Variants in MYO5B observed in about 807,000 individuals in gnomAD.
MYO5B encodes the protein unconventional myosin-Vb.
Under a neutral mutation model 229.3 loss-of-function variants are expected in MYO5B, and 143 were observed. That is an observed-to-expected ratio of 0.62 (90% CI 0.54 to 0.72). MYO5B has a LOEUF of 0.72. Among genes scored for constraint, MYO5B ranks in the 30% least tolerant of loss-of-function variants. The probability of loss-of-function intolerance (pLI) is 0.00; values close to 1 mark genes in which losing one functional copy is unlikely to be tolerated. For missense variants in MYO5B, 2,321 were observed against 2,331.0 expected, an observed-to-expected ratio of 1.00 and a Z score of 0.09; for synonymous variants, 918 against 885.2, an observed-to-expected ratio of 1.04 and a Z score of -0.66.
intron 4 of MYO5B, among the ~76,000 whole-genome samples, chr18:50,014,009 C>G (rs2026189771): frequency 6.6e-6 from 1 of 152,184 alleles, no homozygotes; most frequent in South Asian, 2.1e-4. Context: ...CAGAGCTCTA[C>G]TTCCAAGTCA....
chr18:49,993,693 T>C (rs1345623048), intron 5 of MYO5B, among the ~76,000 whole-genome samples: 2 of 152,132 alleles, frequency 1.3e-5, no homozygotes, highest in African/African-American at 2.4e-5. Context: ...GCCATAGCCT[T>C]AGCCTGCAAC....
intron 26 of MYO5B, among the ~76,000 whole-genome samples, chr18:49,874,065 G>A (rs567121195): frequency 6.6e-6 from 1 of 152,240 alleles, no homozygotes; most frequent in East Asian, 1.9e-4. Flanking sequence ...TCCATTTCAG[G>A]GTGCTGTAGA....
chr18:50,004,115 C>A (rs969162544), intron 4 of MYO5B, among the ~76,000 whole-genome samples: 18 of 152,082 alleles, frequency 1.2e-4, no homozygotes, highest in Non-Finnish European at 1.5e-5. Context: ...AAGTCATGCC[C>A]TTTTCAGGAA....
At chr18:50,015,168 G>A (rs919035772) in intron 4 of MYO5B, among the ~76,000 whole-genome samples, 1 of 152,220 alleles carries the variant, frequency 6.6e-6, no homozygotes, top group Non-Finnish European at 1.5e-5. Context: ...AGACAGAAAT[G>A]TGTGGGCTTT....
intron 2 of MYO5B, 30 bp from the exon 3 acceptor site, chr18:50,040,344 AG>A (rs746109819): frequency 1.2e-6 from 2 of 1,608,764 alleles, no homozygotes; most frequent in Non-Finnish European, 1.7e-6. Flanking sequence ...AGACACAAAA[AG>A]GTGGTTATGA....
chr18:49,840,278 T>C (rs1286672748), intron 35 of MYO5B: 1 of 152,240 alleles, frequency 6.6e-6, no homozygotes, highest in African/African-American at 2.4e-5. Context: ...AGTAAATGCT[T>C]GGATATTATG....
At chr18:50,153,475 G>A (rs1225094371) in intron 1 of MYO5B, among the ~76,000 whole-genome samples, 1 of 152,030 alleles carries the variant, frequency 6.6e-6, no homozygotes, top group Non-Finnish European at 1.5e-5. Flanking sequence ...TTTTTGAGAT[G>A]GAGTCTTGCT....
chr18:50,030,876 GAAAAAAAAAAAAAAAAAAAAAAAAAA>G (rs869189090), intron 4 of MYO5B, among the ~76,000 whole-genome samples: 5 of 30,484 alleles, frequency 1.6e-4, no homozygotes, highest in African/African-American at 2.4e-4. Flanking sequence ...CTCCCTTTCA[GAAAAAAAAAAAAAAAAAAAAAAAAAA>G]AAAAAAAAAA....
rs1170647793 is a variant in MYO5B at position 49,835,415 on chromosome 18, T to G, written c.5323A>C (p.Ile1775Leu). Reference sequence around the variant, plus strand: ...TTCAGGGGAGTATAAAGGTTTAAAATTTTGACAATCTGTTGGGGATAAAAA... The same window carrying G: ...TTCAGGGGAGTATAAAGGTTTAAAAGTTTGACAATCTGTTGGGGATAAAAA... ...TSLSTQQIVK[I>L]LNLYTPLNEF... Residue 1775 changes from isoleucine (I) to leucine (L), a missense_variant, in exon 39 of 40, where the codon ATT (isoleucine) becomes CTT (leucine). Physicochemically the swap from Ile to Leu is conservative, Grantham distance 5 (BLOSUM62 2). Around this residue, in one of 2 missense-constraint regions of MYO5B, gnomAD observed 208 missense variants for 286.3 expected, o/e 0.73. Coordinates refer to ENST00000285039, the MANE Select transcript of MYO5B (RefSeq NM_001080467.3). 4 of 1,611,990 alleles carry G rather than the reference T, an allele frequency of 2.5e-6. No homozygotes were observed. Among genetic ancestry groups the G allele is most frequent in the African/African-American group, 1.3e-5 (1 of 74,976 alleles).
At chr18:49,899,170 TG>T (rs1251129125) in intron 21 of MYO5B, among the ~76,000 whole-genome samples, 2 of 152,160 alleles carry the variant, frequency 1.3e-5, no homozygotes, top group Non-Finnish European at 2.9e-5. Flanking sequence ...GTGGTGTCCT[TG>T]GTGTTCGCAG....
At chr18:50,098,269 T>G (rs1222782454) in intron 1 of MYO5B, among the ~76,000 whole-genome samples, 4 of 152,040 alleles carry the variant, frequency 2.6e-5, no homozygotes. Context: ...AAAATCAGGT[T>G]TTTTTTTATC....
At chr18:49,960,142 C>T (rs979165329) in intron 12 of MYO5B, among the ~76,000 whole-genome samples, 1 of 152,186 alleles carries the variant, frequency 6.6e-6, no homozygotes, top group African/African-American at 2.4e-5. Context: ...CAGCTCACTA[C>T]CCTGCCTGCC....
At position 49,918,799 on chromosome 18, in the gene MYO5B, T is replaced by G. The variant is rs144710428; in HGVS notation, c.2091-6626A>C. Among the ~76,000 whole-genome samples the G allele has an allele frequency of 7.0e-4, 106 of 152,340 alleles. 3 individuals carry two copies. The East Asian group carries it at 0.019, about 28-fold the overall frequency. On this transcript the variant is annotated intron_variant, in intron 17 of 39. Transcript: ENST00000285039. ...GCCACCAAGCAACATACACTTCTTTTCCTTTTTGAAGGAACAAATCAGCAG... is the reference window on the plus strand; with the variant it reads ...GCCACCAAGCAACATACACTTCTTTGCCTTTTTGAAGGAACAAATCAGCAG...
chr18:50,123,311 G>C (rs896087451), intron 1 of MYO5B, among the ~76,000 whole-genome samples: 1 of 152,192 alleles, frequency 6.6e-6, no homozygotes, highest in African/African-American at 2.4e-5. Flanking sequence ...GGTCTCCTTT[G>C]TGGGTTATGA....
intron 1 of MYO5B, among the ~76,000 whole-genome samples, chr18:50,076,205 G>C (rs538429106): frequency 1.3e-5 from 2 of 152,312 alleles, no homozygotes; most frequent in African/African-American, 4.8e-5. Context: ...CTCACTCACT[G>C]CTAAACTAAG....
chr18:50,184,191 G>C (rs926659475), intron 1 of MYO5B, among the ~76,000 whole-genome samples: 1 of 152,156 alleles, frequency 6.6e-6, no homozygotes, highest in Non-Finnish European at 1.5e-5. Context: ...CAAAAGCAGG[G>C]GTTCTGCCTA....
At chr18:50,124,316 A>G (rs2032120071) in intron 1 of MYO5B, among the ~76,000 whole-genome samples, 1 of 152,200 alleles carries the variant, frequency 6.6e-6, no homozygotes, top group Non-Finnish European at 1.5e-5. Flanking sequence ...AGTGCAAAAC[A>G]TTTTCCTCAA....
At chr18:50,161,296 A>C (rs2032761261) in intron 1 of MYO5B, among the ~76,000 whole-genome samples, 1 of 152,136 alleles carries the variant, frequency 6.6e-6, no homozygotes, top group Non-Finnish European at 1.5e-5. Flanking sequence ...AGGCATGAGA[A>C]TCACTTGAAC....
At chr18:49,927,851 C>T (rs2025147282) in intron 17 of MYO5B, among the ~76,000 whole-genome samples, 1 of 152,138 alleles carries the variant, frequency 6.6e-6, no homozygotes, top group South Asian at 2.1e-4. Flanking sequence ...ACTTCATGAC[C>T]AAGAACCCAA....
Sources: gnomAD v4.1 joint callset for allele counts (sites outside exome capture counted in the v4.1 genomes callset) on GRCh38, gnomAD v4.1.1 for gene constraint, gnomAD v4.1.1 regional missense constraint, MANE v1.5 for transcripts, NCBI Gene and HGNC (gene_info 2026-07-23, HGNC 2026-07-21) for gene names.